Variants in GPR37 observed in about 807,000 individuals in gnomAD.
GPR37 encodes G protein-coupled receptor 37, also known as prosaposin receptor GPR37.
GPR37 carries 20 observed loss-of-function variants against 43.6 expected under a neutral mutation model. The observed-to-expected ratio is 0.46, with a 90% confidence interval of 0.32 to 0.67. The LOEUF is 0.67. GPR37 is among the 30% of genes least tolerant of loss of function. The probability of loss-of-function intolerance (pLI) is 0.03; values close to 1 mark genes in which losing one functional copy is unlikely to be tolerated. For synonymous variants in GPR37, 315 were observed against 322.6 expected (o/e 0.98, Z 0.25); for missense variants, 724 against 797.2 (o/e 0.91, Z 1.11).
Position 124,756,830 on chromosome 7 carries a change from G to A in GPR37, c.1023+7124C>T, listed in dbSNP as rs117149712. ...AATGGGATACTGTTAAAAGGTTGCC[G>A]CACATAAGACGAATGCCATTAAAGG... On this transcript the variant is annotated intron_variant, in intron 1 of 1. Coordinates refer to ENST00000303921, the MANE Select transcript of GPR37 (RefSeq NM_005302.5). 3.2e-4 allele frequency among the ~76,000 whole-genome samples: 49 copies of A among 152,272 alleles called. No homozygotes were observed. In the East Asian group the frequency reaches 8.1e-3, roughly 25 times the overall value.
intron 1 of GPR37, among the ~76,000 whole-genome samples, chr7:124,757,431 A>T (rs1793803882): frequency 6.6e-6 from 1 of 152,208 alleles, no homozygotes. Context: ...TATTTTGCCA[A>T]TTATTATTAT....
At position 124,764,362 on chromosome 7, in the gene GPR37, C is replaced by T. The variant is rs778972877; in HGVS notation, c.615G>A (p.Ala205=). 6.2e-7 allele frequency: 1 copy of T among 1,613,632 alleles called. No homozygotes were observed. Among genetic ancestry groups the T allele is most frequent in the South Asian group, 1.1e-5 (1 of 91,078 alleles). Residue 205 remains alanine (A), a synonymous_variant, in exon 1 of 2, where the codon GCG becomes GCA. Transcript: ENST00000303921. This position sits in a 1 kb window ranked among gnomAD's most constrained non-coding sequence, Gnocchi z 5.4. ...KPLSKTANGL[A]GHEGWTIALP... is the part of the protein sequence containing the mutation. ...GTGCAATTGTCCACCCTTCGTGCCCCGCCAGTCCATTGGCCGTCTTGGACA... is the reference window on the plus strand; with the variant it reads ...GTGCAATTGTCCACCCTTCGTGCCCTGCCAGTCCATTGGCCGTCTTGGACA...
At position 124,761,035 on chromosome 7, in the gene GPR37, C is replaced by T. The variant is rs191797457; in HGVS notation, c.1023+2919G>A. ...TTAGCCGGGTGTGGTGACACGCACC[C>T]GTAGTCCCAGTTACTTGGGAGGCTG... On this transcript the variant is annotated intron_variant, in intron 1 of 1. Transcript: ENST00000303921. 2.4e-3 allele frequency among the ~76,000 whole-genome samples: 358 copies of T among 151,722 alleles called. 4 individuals carry two copies. Among genetic ancestry groups the T allele is most frequent in the African/African-American group, 7.7e-3 (319 of 41,362 alleles).
chr7:124,764,858 A>C lies in GPR37; in HGVS notation c.119T>G (p.Leu40Arg), dbSNP rs752155979. 1.2e-6 allele frequency: 2 copies of C among 1,612,568 alleles called. No individual in the cohort carries two copies. Among genetic ancestry groups the C allele is most frequent in the African/African-American group, 2.7e-5 (2 of 74,904 alleles). The change falls in exon 1 of 2, where the codon CTG (leucine) becomes CGG (arginine). Residue 40 changes from leucine (L) to arginine (R), a missense_variant. This residue lies in a region of GPR37 where 382 missense variants were observed against 355.4 expected (regional missense o/e 1.07). Coordinates refer to ENST00000303921, the MANE Select transcript of GPR37 (RefSeq NM_005302.5). This position sits in a 1 kb window ranked among gnomAD's most constrained non-coding sequence, Gnocchi z 5.4. Reference protein sequence around the residue: ...VAPASRNETCLGESCAPTVIQ... With the variant: ...VAPASRNETCRGESCAPTVIQ... ...CACTGTAGGTGCACAGCTCTCCCCC[A>C]GACAAGTTTCGTTTCTGGACGCAGG...
At chr7:124,759,417 A>G (rs2116324063) in intron 1 of GPR37, among the ~76,000 whole-genome samples, 1 of 152,256 alleles carries the variant, frequency 6.6e-6, no homozygotes, top group Non-Finnish European at 1.5e-5. Context: ...AATGGTAGGT[A>G]TGGTAGAGAA....
In GPR37 at chr7:124,747,325, T is replaced by C. The variant is rs747864693; in HGVS notation, c.1042A>G (p.Thr348Ala). The part of the protein sequence containing the change: ...PYIEVASLGV[T>A]TFTLCALCID... Reference sequence around the variant, plus strand: ...CACAGAGCACATAAGGTGAAAGTGGTGACTCCCAGAGAAGCGACCTGTGGG... The same window carrying C: ...CACAGAGCACATAAGGTGAAAGTGGCGACTCCCAGAGAAGCGACCTGTGGG... The change falls in exon 2 of 2, where the codon ACC becomes GCC. Residue 348 changes from threonine to alanine, a missense_variant. By Grantham distance (58) the Thr-to-Ala change is moderately conservative. Around this residue, in one of 2 missense-constraint regions of GPR37, gnomAD observed 342 missense variants for 441.8 expected, o/e 0.77. Transcript: ENST00000303921. 6.2e-7 allele frequency: 1 copy of C among 1,610,396 alleles called. No individual in the cohort carries two copies.
Position 124,764,636 on chromosome 7 carries a change from G to T in GPR37, c.341C>A (p.Thr114Asn). ...ASAAGPPGPP[T>N]RPPGPWRWKG... Reference sequence around the variant, plus strand: ...CCACCTCCAGGGGCCAGGTGGCCTGGTTGGAGGTCCCGGGGGTCCGGCTGC... The same window carrying T: ...CCACCTCCAGGGGCCAGGTGGCCTGTTTGGAGGTCCCGGGGGTCCGGCTGC... Residue 114 changes from threonine (T) to asparagine (N), a missense_variant, in exon 1 of 2, where the codon ACC (threonine) becomes AAC (asparagine). Physicochemically the swap from Thr to Asn is moderately conservative, Grantham distance 65 (BLOSUM62 0). Around this residue, in one of 2 missense-constraint regions of GPR37, gnomAD observed 382 missense variants for 355.4 expected, o/e 1.07. Coordinates refer to ENST00000303921, the MANE Select transcript of GPR37 (RefSeq NM_005302.5). This position sits in a 1 kb window ranked among gnomAD's most constrained non-coding sequence, Gnocchi z 5.4. The T allele has an allele frequency of 6.3e-7, 1 of 1,588,640 alleles. No homozygotes were observed. Among genetic ancestry groups the T allele is most frequent in the Non-Finnish European group, 8.6e-7 (1 of 1,166,826 alleles).
In GPR37 at chr7:124,765,226, A is replaced by T. The variant is rs1362285140; in HGVS notation, c.-250T>A. The stretch of plus-strand genomic sequence containing the variant: ...TGAGTCCCAGCAAGGTATGCCCTCC[A>T]AGGTTCCTAGAGGGAATAGGCTACT... On this transcript the variant is annotated 5_prime_UTR_variant, in exon 1 of 2. Transcript: ENST00000303921. 4.6e-6 allele frequency: 2 copies of T among 431,544 alleles called. No individual in the cohort carries two copies. Among genetic ancestry groups the T allele is most frequent in the African/African-American group, 4.1e-5 (2 of 48,666 alleles). 26.7% of individuals were successfully genotyped at this position (431,544 alleles called of 1,614,324 possible). A position where few individuals can be genotyped will look rare whatever the true frequency, so the allele number is the denominator to read the frequency against.
intron 1 of GPR37, among the ~76,000 whole-genome samples, chr7:124,760,170 G>A (rs1157580873): frequency 6.6e-6 from 1 of 151,794 alleles, no homozygotes; most frequent in African/African-American, 2.4e-5. Flanking sequence ...TCTATAAGAA[G>A]GTATTATACA....
Position 124,746,753 on chromosome 7 carries a change from C to T in GPR37, c.1614G>A (p.Leu538=). 2 of 1,613,992 alleles carry T rather than the reference C, an allele frequency of 1.2e-6. No individual in the cohort carries two copies. The highest frequency in any genetic ancestry group is 4.5e-5 in the East Asian group (2 of 44,866). ...CTGGGGTGACACAGGACTTAAAGAACAAAAGGAACTGGCTGATGATATTAA... is the reference window on the plus strand; with the variant it reads ...CTGGGGTGACACAGGACTTAAAGAATAAAAGGAACTGGCTGATGATATTAA... ...DLLNIISQFL[L]FFKSCVTPVL... The change falls in exon 2 of 2, where the codon TTG becomes TTA. Residue 538 remains leucine, a synonymous_variant. Coordinates refer to ENST00000303921, the MANE Select transcript of GPR37 (RefSeq NM_005302.5).
chr7:124,751,524 C>A (rs1793735976), intron 1 of GPR37, among the ~76,000 whole-genome samples: 2 of 152,012 alleles, frequency 1.3e-5, no homozygotes, highest in African/African-American at 4.8e-5. Context: ...TTTCTTCTTA[C>A]CCAAACATGA....
At chr7:124,758,235 G>C (rs1274492881) in intron 1 of GPR37, among the ~76,000 whole-genome samples, 1 of 152,094 alleles carries the variant, frequency 6.6e-6, no homozygotes, top group African/African-American at 2.4e-5. Flanking sequence ...AAATAAAAGT[G>C]CACTCTAAGA....
At chr7:124,752,414 C>T (rs1416209732) in intron 1 of GPR37, among the ~76,000 whole-genome samples, 1 of 152,118 alleles carries the variant, frequency 6.6e-6, no homozygotes, top group Non-Finnish European at 1.5e-5. Context: ...CAGAACTTCT[C>T]GACTATCTCC....
At chr7:124,763,136 C>G (rs1222482851) in intron 1 of GPR37, among the ~76,000 whole-genome samples, 1 of 152,168 alleles carries the variant, frequency 6.6e-6, no homozygotes, top group Admixed American at 6.5e-5. Context: ...TAGATGTGCC[C>G]CCTTCTTCCC....
At position 124,746,404 on chromosome 7, in the gene GPR37, A is replaced by T; in HGVS notation, c.*121T>A. On this transcript the variant is annotated 3_prime_UTR_variant, in exon 2 of 2. Coordinates refer to ENST00000303921, the MANE Select transcript of GPR37 (RefSeq NM_005302.5). Reference sequence around the variant, plus strand: ...TTGTAAAATCAGTTCTACAGTAGTTAATATTTCTTTCTTTATTGTTTCTTT... The same window carrying T: ...TTGTAAAATCAGTTCTACAGTAGTTTATATTTCTTTCTTTATTGTTTCTTT... 1.4e-6 allele frequency: 1 copy of T among 729,590 alleles called. No individual in the cohort carries two copies. The highest frequency in any genetic ancestry group is 2.3e-6 in the Non-Finnish European group (1 of 439,624). The allele number at this position is 729,590 out of a possible 1,614,324, so 45.2% of individuals were successfully genotyped here.
At chr7:124,752,070 CAAT>C (rs1793740583) in intron 1 of GPR37, among the ~76,000 whole-genome samples, 1 of 152,118 alleles carries the variant, frequency 6.6e-6, no homozygotes, top group Admixed American at 6.5e-5. Flanking sequence ...TTTCAAACAA[CAAT>C]GTTCTGCTTT....
chr7:124,759,277 G>C (rs1308986920), intron 1 of GPR37, among the ~76,000 whole-genome samples: 3 of 152,092 alleles, frequency 2.0e-5, no homozygotes, highest in Non-Finnish European at 4.4e-5. Flanking sequence ...CTGTTGGCCA[G>C]GCTGATCTTG....
In GPR37 at chr7:124,745,388, A is replaced by T. The variant is rs4731205; in HGVS notation, c.*1137T>A. Among the ~76,000 whole-genome samples the T allele has an allele frequency of 1.3e-5, 2 of 151,920 alleles. No homozygotes were observed. Among genetic ancestry groups the T allele is most frequent in the East Asian group, 1.9e-4 (1 of 5,176 alleles). Reference sequence around the variant, plus strand: ...ACACAACTGCTGCATTTTAAACTCCAGAAGAGGCAAAAGAGGGGATTCAAA... The same window carrying T: ...ACACAACTGCTGCATTTTAAACTCCTGAAGAGGCAAAAGAGGGGATTCAAA... On this transcript the variant is annotated 3_prime_UTR_variant, in exon 2 of 2. Coordinates refer to ENST00000303921, the MANE Select transcript of GPR37 (RefSeq NM_005302.5).
chr7:124,749,913 T>C (rs1334666875), intron 1 of GPR37, among the ~76,000 whole-genome samples: 1 of 152,066 alleles, frequency 6.6e-6, no homozygotes, highest in African/African-American at 2.4e-5. Context: ...TGACTGCAAA[T>C]GACAAAAAAT....
Sources: gnomAD v4.1 joint callset for allele counts (sites outside exome capture counted in the v4.1 genomes callset) on GRCh38, gnomAD v4.1.1 for gene constraint, gnomAD v4.1.1 regional missense constraint, Gnocchi (gnomAD v3.1) non-coding constraint, MANE v1.5 for transcripts, NCBI Gene and HGNC (gene_info 2026-07-23, HGNC 2026-07-21) for gene names.